The following GRIK4 variants were observed in gnomAD, a reference collection of about 807,000 sequenced individuals.
GRIK4 encodes the protein glutamate ionotropic receptor kainate type subunit 4, also known as glutamate receptor ionotropic, kainate 4.
In GRIK4, 40 loss-of-function variants were observed where a neutral mutation model predicts 104.9. The ratio of observed to expected loss-of-function variants is 0.38; its 90% CI spans 0.30 to 0.50. The LOEUF (loss-of-function observed/expected upper bound fraction) is 0.50. Ranked by LOEUF, GRIK4 falls within the 20% of genes least tolerant of loss-of-function variation. The probability of loss-of-function intolerance (pLI) is 0.93; values close to 1 mark genes in which losing one functional copy is unlikely to be tolerated. For synonymous variants in GRIK4, 485 were observed against 524.9 expected (o/e 0.92, Z 1.04); for missense variants, 1,047 against 1,308.1 (o/e 0.80, Z 3.08).
intron 3 of GRIK4, among the ~76,000 whole-genome samples, chr11:120,686,956 A>G (rs970947313): frequency 3.3e-5 from 5 of 152,222 alleles, no homozygotes; most frequent in African/African-American, 9.6e-5. Flanking sequence ...TTCTCTGGTT[A>G]AAATCCTTTA....
intron 1 of GRIK4, among the ~76,000 whole-genome samples, chr11:120,537,039 A>T (rs1051372861): frequency 6.6e-6 from 1 of 152,174 alleles, no homozygotes; most frequent in Non-Finnish European, 1.5e-5. Flanking sequence ...AGACACGTTG[A>T]TAAAGTCCAC....
intron 1 of GRIK4, among the ~76,000 whole-genome samples, chr11:120,644,011 CTGTGTGTGTGTG>C (rs369374873): frequency 1.6e-5 from 2 of 122,856 alleles, no homozygotes; most frequent in African/African-American, 7.6e-5. Flanking sequence ...GGGAGAGGGT[CTGTGTGTGTGTG>C]TGTGTGTGTG....
chr11:120,528,273 G>A (rs988196588), intron 1 of GRIK4, among the ~76,000 whole-genome samples: 7 of 152,232 alleles, frequency 4.6e-5, no homozygotes, highest in Middle Eastern at 3.4e-3. Flanking sequence ...CACCACGCCC[G>A]GCTAATTTTT....
intron 3 of GRIK4, among the ~76,000 whole-genome samples, chr11:120,684,323 T>G (rs997295441): frequency 8.5e-5 from 13 of 152,138 alleles, no homozygotes; most frequent in Admixed American, 6.5e-5. Flanking sequence ...AGCCAGTTTC[T>G]AAGAAATAAA....
At position 120,802,800 on chromosome 11, in the gene GRIK4, G is replaced by T. The variant is rs1952645392; in HGVS notation, c.190G>T (p.Val64Phe). Residue 64 changes from valine to phenylalanine, a missense_variant, in exon 4 of 21, where the codon GTC becomes TTC. Around this residue, in one of 3 missense-constraint regions of GRIK4, gnomAD observed 447 missense variants for 514.9 expected, o/e 0.87. Coordinates refer to ENST00000527524, the MANE Select transcript of GRIK4 (RefSeq NM_014619.5). Reference protein sequence around the residue: ...RAPERLGKAKVEVDIFELLRD... With the variant: ...RAPERLGKAKFEVDIFELLRD... Reference sequence around the variant, plus strand: ...TCCTGAGAGGCTGGGCAAGGCCAAGGTCGAAGTGGACATCTTTGAGCTTCT... The same window carrying T: ...TCCTGAGAGGCTGGGCAAGGCCAAGTTCGAAGTGGACATCTTTGAGCTTCT... 1.2e-6 allele frequency: 2 copies of T among 1,614,092 alleles called. No individual in the cohort carries two copies. Among genetic ancestry groups the T allele is most frequent in the African/African-American group, 1.3e-5 (1 of 74,940 alleles).
intron 3 of GRIK4, among the ~76,000 whole-genome samples, chr11:120,689,590 G>A (rs544700689): frequency 6.6e-6 from 1 of 151,834 alleles, no homozygotes; most frequent in African/African-American, 2.4e-5. Context: ...TTTCTTGGTG[G>A]TGTTCCTTGT....
chr11:120,663,118 G>A (rs1949847986), intron 3 of GRIK4, among the ~76,000 whole-genome samples: 1 of 152,162 alleles, frequency 6.6e-6, no homozygotes, highest in Non-Finnish European at 1.5e-5. Flanking sequence ...AAATGTGTTT[G>A]GATTTTGCTT....
intron 1 of GRIK4, among the ~76,000 whole-genome samples, chr11:120,544,338 C>CT (rs200412144): frequency 1.1e-3 from 161 of 149,462 alleles, no homozygotes; most frequent in African/African-American, 3.6e-3. Context: ...TATTTTTATA[C>CT]TTTTTTTTTT....
intron 3 of GRIK4, among the ~76,000 whole-genome samples, chr11:120,772,340 A>G (rs2135458498): frequency 6.6e-6 from 1 of 152,318 alleles, no homozygotes; most frequent in South Asian, 2.1e-4. Context: ...CCAGTATATT[A>G]GATGTCTAGT....
chr11:120,583,851 A>C (rs2135099863), intron 1 of GRIK4, among the ~76,000 whole-genome samples: 1 of 152,230 alleles, frequency 6.6e-6, no homozygotes, highest in East Asian at 1.9e-4. Context: ...ATGAACATGG[A>C]ATGTTTTTCC....
chr11:120,925,036 G>A (rs938240247), intron 13 of GRIK4, among the ~76,000 whole-genome samples: 1 of 152,160 alleles, frequency 6.6e-6, no homozygotes, highest in Non-Finnish European at 1.5e-5. Flanking sequence ...TGGGGAGGTG[G>A]GGCAGTTCAG....
chr11:120,850,472 T>C (rs1468621608), intron 8 of GRIK4, among the ~76,000 whole-genome samples: 1 of 151,794 alleles, frequency 6.6e-6, no homozygotes, highest in Non-Finnish European at 1.5e-5. Context: ...AGGAGGAGAG[T>C]GCTGGAGACA....
At chr11:120,904,213 A>G (rs906046391) in intron 12 of GRIK4, among the ~76,000 whole-genome samples, 2 of 152,014 alleles carry the variant, frequency 1.3e-5, no homozygotes, top group African/African-American at 4.8e-5. Flanking sequence ...TCCACATTTT[A>G]AACACCCAGT....
intron 4 of GRIK4, among the ~76,000 whole-genome samples, chr11:120,805,607 G>A (rs959163240): frequency 2.6e-4 from 40 of 152,196 alleles, no homozygotes; most frequent in Admixed American, 6.5e-5. Context: ...GGTACGATTA[G>A]CATTTGTTAG....
Position 120,660,246 on chromosome 11 carries a change from G to A in GRIK4, c.-50-23G>A, listed in dbSNP as rs147411205. The stretch of plus-strand genomic sequence containing the variant: ...CCTAGCTGGAGCCTGGGACTCACGT[G>A]CCCCCAACCCCCTCTCTCGCAGAGT... On this transcript the variant is annotated intron_variant, in intron 2 of 20. Coordinates refer to ENST00000527524, the MANE Select transcript of GRIK4 (RefSeq NM_014619.5). 450 of 1,071,710 alleles carry A rather than the reference G, an allele frequency of 4.2e-4. 1 individual carries two copies. The highest frequency in any genetic ancestry group is 2.1e-3 in the South Asian group (162 of 76,588). 66.4% of individuals were successfully genotyped at this position (1,071,710 alleles called of 1,614,324 possible). A position where few individuals can be genotyped will look rare whatever the true frequency, so the allele number is the denominator to read the frequency against.
chr11:120,867,007 C>T (rs1283386048), intron 9 of GRIK4, among the ~76,000 whole-genome samples: 1 of 152,084 alleles, frequency 6.6e-6, no homozygotes, highest in Non-Finnish European at 1.5e-5. Flanking sequence ...AACTGAGGCA[C>T]GGACGTGCTG....
At chr11:120,904,287 C>A (rs1212645439) in intron 12 of GRIK4, among the ~76,000 whole-genome samples, 1 of 152,198 alleles carries the variant, frequency 6.6e-6, no homozygotes, top group Non-Finnish European at 1.5e-5. Flanking sequence ...ATCCTCCTCC[C>A]CTCCAGGCAT....
At chr11:120,564,098 G>C (rs1435940318) in intron 1 of GRIK4, among the ~76,000 whole-genome samples, 1 of 152,218 alleles carries the variant, frequency 6.6e-6, no homozygotes, top group Non-Finnish European at 1.5e-5. Flanking sequence ...AGTGGCTGGT[G>C]GCCTGAGGAA....
intron 20 of GRIK4, among the ~76,000 whole-genome samples, chr11:120,984,954 G>A (rs1161455861): frequency 6.6e-6 from 1 of 150,476 alleles, no homozygotes; most frequent in Non-Finnish European, 1.5e-5. Context: ...TCAGCCTCCC[G>A]AGTAGCTGAG....
Sources: allele counts gnomAD v4.1 joint callset (sites outside exome capture counted in the v4.1 genomes callset), GRCh38; gene constraint gnomAD v4.1.1; regional missense constraint gnomAD v4.1.1; transcripts MANE v1.5; gene names NCBI Gene and HGNC (gene_info 2026-07-23, HGNC 2026-07-21).